The following DLG1 variants were observed in gnomAD, a reference collection of about 807,000 sequenced individuals.
The protein encoded by DLG1 is disks large homolog 1.
Under a neutral mutation model 123.4 loss-of-function variants are expected in DLG1, and 42 were observed. That is an observed-to-expected ratio of 0.34 (90% CI 0.27 to 0.44). DLG1 has a LOEUF of 0.44. Ranked by LOEUF, DLG1 falls within the 20% of genes least tolerant of loss-of-function variation. The pLI is 1.00. For missense variants in DLG1, 942 were observed against 1,082.6 expected (o/e 0.87, Z 1.82); for synonymous variants, 317 against 356.2 (o/e 0.89, Z 1.24).
chr3:197,060,117 T>G (rs1240937991), intron 22 of DLG1, 119 bp from the exon 23 acceptor site: 3 of 587,672 alleles, frequency 5.1e-6, no homozygotes, highest in Non-Finnish European at 8.5e-6. Flanking sequence ...CTTGTTCACT[T>G]TTAGTAAACT....
chr3:197,069,183 G>A, intron 19 of DLG1, 36 bp downstream of exon 19: 25 of 1,507,796 alleles, frequency 1.7e-5, no homozygotes, highest in East Asian at 2.4e-5. Flanking sequence ...TGTATTACTC[G>A]AGATTACAAA....
At chr3:197,213,311 A>T (rs1399270118) in intron 4 of DLG1, among the ~76,000 whole-genome samples, 1 of 152,242 alleles carries the variant, frequency 6.6e-6, no homozygotes, top group Non-Finnish European at 1.5e-5. Flanking sequence ...AAAGACACTA[A>T]AGAGTCTTAC....
chr3:197,147,432 G>GCACA (rs67643945), intron 6 of DLG1, among the ~76,000 whole-genome samples: 4,732 of 147,102 alleles, frequency 0.032, 91 homozygotes, highest in African/African-American at 0.048. Flanking sequence ...TATATGGTGT[G>GCACA]CACACACACA....
chr3:197,190,786 G>A (rs1049366240), intron 5 of DLG1, among the ~76,000 whole-genome samples: 10 of 152,152 alleles, frequency 6.6e-5, no homozygotes, highest in Non-Finnish European at 1.5e-4. Flanking sequence ...CGAGGCGGGC[G>A]GATCACGAGG....
intron 18 of DLG1, among the ~76,000 whole-genome samples, chr3:197,073,254 T>C (rs1745184640): frequency 6.6e-6 from 1 of 152,200 alleles, no homozygotes; most frequent in South Asian, 2.1e-4. Flanking sequence ...AAAAGACATA[T>C]GTAACAGGAA....
chr3:197,283,859 GTTTTTTTTT>G (rs36055840), intron 3 of DLG1, among the ~76,000 whole-genome samples: 1 of 104,900 alleles, frequency 9.5e-6, no homozygotes, highest in Non-Finnish European at 1.9e-5. Flanking sequence ...CAGTTGGGTT[GTTTTTTTTT>G]TTTTTTTTTT....
At position 197,136,474 on chromosome 3, in the gene DLG1, CCAG is replaced by C. The variant is rs1198391015; in HGVS notation, c.1020+65_1020+67del. ...TAGACCTTTTTGGTATGGAGAAATT[CCAG>C]TATCTATCAGAAAAATAAACAGACT... On this transcript the variant is annotated intron_variant, in intron 10 of 24. Transcript: ENST00000667157. 3.7e-6 allele frequency: 5 copies of C among 1,348,900 alleles called. No homozygotes were observed. The African/African-American group carries it at 7.3e-5, about 20-fold the overall frequency. 83.6% of individuals were successfully genotyped at this position (1,348,900 alleles called of 1,614,324 possible).
chr3:197,139,389 T>C (rs1233116578), intron 8 of DLG1, among the ~76,000 whole-genome samples: 1 of 152,194 alleles, frequency 6.6e-6, no homozygotes, highest in South Asian at 2.1e-4. Context: ...GTGAGAATTA[T>C]AAAGCTTAGA....
chr3:197,293,283 C>T (rs1560191153), intron 3 of DLG1, among the ~76,000 whole-genome samples: 2 of 152,134 alleles, frequency 1.3e-5, no homozygotes, highest in Non-Finnish European at 2.9e-5. Context: ...TCTAAAGAAA[C>T]AATACATCAG....
chr3:197,086,995 C>A (rs1236985432), intron 15 of DLG1, among the ~76,000 whole-genome samples: 5 of 152,072 alleles, frequency 3.3e-5, no homozygotes, highest in African/African-American at 9.7e-5. Flanking sequence ...ATATTTGATT[C>A]ATAAAAAAAG....
intron 13 of DLG1, among the ~76,000 whole-genome samples, chr3:197,110,327 G>A (rs1003489125): frequency 1.5e-4 from 23 of 152,242 alleles, no homozygotes; most frequent in African/African-American, 4.8e-4. Context: ...TCCAACTCCA[G>A]AATTTCTATT....
intron 5 of DLG1, among the ~76,000 whole-genome samples, chr3:197,170,359 A>C (rs1229821205): frequency 1.3e-5 from 2 of 152,194 alleles, no homozygotes; most frequent in Non-Finnish European, 2.9e-5. Flanking sequence ...TGGTTGAACT[A>C]ATTTACACTC....
At chr3:197,221,245 T>C (rs912387455) in intron 4 of DLG1, among the ~76,000 whole-genome samples, 4 of 152,106 alleles carry the variant, frequency 2.6e-5, no homozygotes, top group African/African-American at 9.7e-5. Context: ...GGACCGGGCG[T>C]GGTGGCTCAC....
intron 4 of DLG1, among the ~76,000 whole-genome samples, chr3:197,255,225 C>T (rs1756291578): frequency 6.6e-6 from 1 of 152,184 alleles, no homozygotes; most frequent in Admixed American, 6.5e-5. Context: ...ACTAGACAAT[C>T]ACAGCACTTT....
At chr3:197,055,613 T>C (rs1019727411) in intron 23 of DLG1, among the ~76,000 whole-genome samples, 5 of 152,190 alleles carry the variant, frequency 3.3e-5, no homozygotes, top group Admixed American at 2.0e-4. Flanking sequence ...GCCTGTGATT[T>C]TCCATGGATA....
At chr3:197,216,202 A>T (rs1257532060) in intron 4 of DLG1, among the ~76,000 whole-genome samples, 1 of 152,234 alleles carries the variant, frequency 6.6e-6, no homozygotes, top group Non-Finnish European at 1.5e-5. Context: ...CTGGAAATAA[A>T]TCATCACTAT....
At chr3:197,269,544 A>C (rs1208323703) in intron 4 of DLG1, among the ~76,000 whole-genome samples, 1 of 152,260 alleles carries the variant, frequency 6.6e-6, no homozygotes, top group Non-Finnish European at 1.5e-5. Flanking sequence ...GAAAGTTACT[A>C]AACAAAAATG....
chr3:197,243,701 T>G (rs553624512), intron 4 of DLG1, among the ~76,000 whole-genome samples: 1 of 152,312 alleles, frequency 6.6e-6, no homozygotes, highest in East Asian at 1.9e-4. Context: ...TTAATGGCAT[T>G]CCTAGTATAA....
intron 17 of DLG1, chr3:197,080,454 C>CTTTT (rs35708797): frequency 0.013 from 1,240 of 97,448 alleles, 24 homozygotes; most frequent in South Asian, 0.03. Context: ...AATTTTTTAC[C>CTTTT]TTTTTTTTTT....
Sources: allele counts gnomAD v4.1 joint callset (sites outside exome capture counted in the v4.1 genomes callset), GRCh38; gene constraint gnomAD v4.1.1; transcripts MANE v1.5; gene names NCBI Gene and HGNC (gene_info 2026-07-23, HGNC 2026-07-21).